MYO3B: variants seen among roughly 807,000 people sequenced by gnomAD.
MYO3B encodes the protein myosin IIIB.
Under a neutral mutation model 174.6 loss-of-function variants are expected in MYO3B, and 156 were observed. That is an observed-to-expected ratio of 0.89 (90% CI 0.78 to 1.02). The LOEUF is 1.02. MYO3B is among the 50% of genes least tolerant of loss of function. The pLI, the probability that MYO3B is intolerant of heterozygous loss-of-function variation, is 0.00. For missense variants in MYO3B, 1,632 were observed against 1,639.4 expected, an observed-to-expected ratio of 1.00 and a Z score of 0.08; for synonymous variants, 563 against 569.1, an observed-to-expected ratio of 0.99 and a Z score of 0.15.
At chr2:170,308,108 AG>A (rs2105461673) in intron 7 of MYO3B, among the ~76,000 whole-genome samples, 1 of 152,330 alleles carries the variant, frequency 6.6e-6, no homozygotes, top group South Asian at 2.1e-4. Flanking sequence ...GTCAATGGCC[AG>A]GGCAATGATT....
At chr2:170,405,686 TG>T in intron 21 of MYO3B, 53 bp downstream of exon 21, 1 of 1,375,320 alleles carries the variant, frequency 7.3e-7, no homozygotes, top group East Asian at 2.3e-5. Flanking sequence ...GGTAAGTGTC[TG>T]TATTACCCTG....
chr2:170,214,707 G>C, intron 4 of MYO3B, 22 bp from the exon 5 acceptor site: 1 of 1,595,164 alleles, frequency 6.3e-7, no homozygotes, highest in Non-Finnish European at 8.6e-7. Context: ...CTGTTGTTTG[G>C]TGGTGGTGGG....
rs141147507 is a variant in MYO3B, at chr2:170,355,330, A to T, written c.816-13892A>T. 3.9e-3 allele frequency among the ~76,000 whole-genome samples: 598 copies of T among 152,268 alleles called. 1 individual carries two copies. Among genetic ancestry groups the T allele is most frequent in the African/African-American group, 0.013 (558 of 41,548 alleles). On this transcript the variant is annotated intron_variant, in intron 8 of 34. Transcript: ENST00000408978. ...GGCTTAGTTCATTTTCTCCAATTTG[A>T]TGTTCACATAATTGGCAGTCAGCCA...
At chr2:170,635,941 T>C (rs1176528469) in intron 32 of MYO3B, among the ~76,000 whole-genome samples, 1 of 152,166 alleles carries the variant, frequency 6.6e-6, no homozygotes, top group Non-Finnish European at 1.5e-5. Flanking sequence ...CCCAGGCTTG[T>C]TTTAGAATTA....
chr2:170,600,378 G>A (rs6433220), intron 32 of MYO3B, among the ~76,000 whole-genome samples: 30,170 of 152,020 alleles, frequency 0.2, 5,268 homozygotes, highest in African/African-American at 0.47. Context: ...TAAACTGCTA[G>A]GCAGATAAAC....
At chr2:170,305,178 C>T (rs1518735) in intron 7 of MYO3B, among the ~76,000 whole-genome samples, 38,676 of 151,900 alleles carry the variant, frequency 0.25, 6,203 homozygotes, top group African/African-American at 0.43. Flanking sequence ...GTTGTTTCAA[C>T]ACCAGGGGAC....
chr2:170,283,709 C>A (rs533277942), intron 7 of MYO3B, among the ~76,000 whole-genome samples: 78 of 152,172 alleles, frequency 5.1e-4, no homozygotes, highest in Non-Finnish European at 1.1e-3. Context: ...AGATTCTGGT[C>A]AGTTAATTGT....
intron 22 of MYO3B, among the ~76,000 whole-genome samples, chr2:170,443,281 C>A (rs867113032): frequency 1.3e-5 from 2 of 152,218 alleles, no homozygotes; most frequent in African/African-American, 4.8e-5. Flanking sequence ...CTTTTGGCTG[C>A]ATAAATGTCT....
At chr2:170,227,278 A>G (rs1214695979) in intron 6 of MYO3B, among the ~76,000 whole-genome samples, 1 of 151,976 alleles carries the variant, frequency 6.6e-6, no homozygotes, top group Non-Finnish European at 1.5e-5. Flanking sequence ...TATTTCTCAT[A>G]CTTTTTTGTG....
chr2:170,520,765 G>A (rs1688628244), intron 30 of MYO3B, among the ~76,000 whole-genome samples: 1 of 152,052 alleles, frequency 6.6e-6, no homozygotes, highest in South Asian at 2.1e-4. Flanking sequence ...TTTAAGTCCA[G>A]CCAGGCCAGG....
At chr2:170,623,131 C>A (rs866703961) in intron 32 of MYO3B, among the ~76,000 whole-genome samples, 3 of 152,262 alleles carry the variant, frequency 2.0e-5, no homozygotes, top group Middle Eastern at 6.8e-3. Flanking sequence ...AGTTCTAGAT[C>A]CCTGAGGAAT....
intron 7 of MYO3B, among the ~76,000 whole-genome samples, chr2:170,253,497 T>C (rs186070597): frequency 1.6e-4 from 24 of 152,248 alleles, no homozygotes; most frequent in Admixed American, 1.4e-3. Context: ...GAGTATGCAG[T>C]TGATACAAGT....
rs149346093 is a variant in MYO3B at position 170,201,172 on chromosome 2, C to T, written c.321+888C>T. On this transcript the variant is annotated intron_variant, in intron 3 of 34. Coordinates refer to ENST00000408978, the MANE Select transcript of MYO3B (RefSeq NM_138995.5). ...GGGAATGAATGTGTGCATCTGGGTG[C>T]AAAAGAGTCAATTCCGAACAAATAC... is the stretch of plus-strand genomic sequence containing the variant. 2.8e-3 allele frequency among the ~76,000 whole-genome samples: 431 copies of T among 152,244 alleles called. 11 individuals are homozygous for T. The highest frequency in any genetic ancestry group is 0.022 in the Admixed American group (329 of 15,292).
intron 6 of MYO3B, among the ~76,000 whole-genome samples, chr2:170,222,784 A>C (rs1477255419): frequency 6.6e-6 from 1 of 152,158 alleles, no homozygotes; most frequent in Non-Finnish European, 1.5e-5. Flanking sequence ...GACACAGTTC[A>C]ACCAATAACA....
chr2:170,517,073 G>A lies in MYO3B; in HGVS notation c.3472+2051G>A, dbSNP rs1226646092. ...ATACTGAAAACTGTTTGACAATTTCGGATGCTGCCTTGAATTCAGTGGTTT... is the reference window on the plus strand; with the variant it reads ...ATACTGAAAACTGTTTGACAATTTCAGATGCTGCCTTGAATTCAGTGGTTT... On this transcript the variant is annotated intron_variant, in intron 29 of 34. Coordinates refer to ENST00000408978, the MANE Select transcript of MYO3B (RefSeq NM_138995.5). Among the ~76,000 whole-genome samples the A allele has an allele frequency of 5.3e-5, 8 of 152,056 alleles. No homozygotes were observed. The East Asian group carries it at 9.6e-4, about 18-fold the overall frequency.
intron 7 of MYO3B, among the ~76,000 whole-genome samples, chr2:170,281,017 T>C (rs568989023): frequency 3.0e-4 from 45 of 152,318 alleles, no homozygotes; most frequent in Middle Eastern, 6.8e-3. Context: ...GTGAAGAATG[T>C]CATTTGTAAT....
intron 32 of MYO3B, among the ~76,000 whole-genome samples, chr2:170,624,960 C>T (rs528738408): frequency 5.7e-4 from 87 of 152,212 alleles, no homozygotes; most frequent in Middle Eastern, 3.4e-3. Flanking sequence ...CTGCTGGATT[C>T]GGTTTGCCAG....
chr2:170,219,385 T>C (rs2092866566), intron 6 of MYO3B, among the ~76,000 whole-genome samples: 1 of 152,208 alleles, frequency 6.6e-6, no homozygotes, highest in Non-Finnish European at 1.5e-5. Context: ...GGCTCATGCC[T>C]GTAATCCCAG....
chr2:170,465,274 G>A (rs1322173997), intron 24 of MYO3B, among the ~76,000 whole-genome samples: 2 of 152,084 alleles, frequency 1.3e-5, no homozygotes, highest in Admixed American at 6.5e-5. Context: ...TGAGGCCTCG[G>A]GGAGCTTTTA....
Sources: gnomAD v4.1 joint callset for allele counts (sites outside exome capture counted in the v4.1 genomes callset) on GRCh38, gnomAD v4.1.1 for gene constraint, MANE v1.5 for transcripts, NCBI Gene and HGNC (gene_info 2026-07-23, HGNC 2026-07-21) for gene names.